TNS3: variants seen among roughly 807,000 people sequenced by gnomAD.
TNS3 encodes the protein tensin-3.
Under a neutral mutation model 140.9 loss-of-function variants are expected in TNS3, and 45 were observed. That is an observed-to-expected ratio of 0.32 (90% CI 0.25 to 0.41). The LOEUF is 0.41. Ranked by LOEUF, TNS3 falls within the 10% of genes least tolerant of loss-of-function variation. TNS3 has a pLI of 1.00. For synonymous variants in TNS3, 815 were observed against 788.4 expected (o/e 1.03, Z -0.56); for missense variants, 1,716 against 1,906.7 (o/e 0.90, Z 1.86).
At chr7:47,325,769 T>G (rs953454177) in intron 20 of TNS3, among the ~76,000 whole-genome samples, 2 of 152,150 alleles carry the variant, frequency 1.3e-5, no homozygotes, top group African/African-American at 4.8e-5. Flanking sequence ...CTGACAGCAG[T>G]AAGACCACCT....
intron 20 of TNS3, among the ~76,000 whole-genome samples, chr7:47,308,324 G>A (rs1393545401): frequency 1.3e-5 from 2 of 151,890 alleles, no homozygotes; most frequent in African/African-American, 4.8e-5. Flanking sequence ...GTTTGGTTTG[G>A]GTCTTTTTAT....
intron 16 of TNS3, among the ~76,000 whole-genome samples, chr7:47,373,808 A>G (rs1791216868): frequency 1.3e-5 from 2 of 152,256 alleles, no homozygotes; most frequent in Non-Finnish European, 2.9e-5. Context: ...GCTTTTTCAC[A>G]CATGACAAAA....
At position 47,481,111 on chromosome 7, in the gene TNS3, GT is replaced by G. The variant is rs1797398376; in HGVS notation, c.-85del. On this transcript the variant is annotated 5_prime_UTR_variant, in exon 4 of 31. Coordinates refer to ENST00000311160, the MANE Select transcript of TNS3 (RefSeq NM_022748.12). ...AAATGCAAAGGGCTTACCTGTTCCA[GT>G]CGGACTTGCACACCGCAGGGAATCA... 2 of 1,289,714 alleles carry G rather than the reference GT, an allele frequency of 1.6e-6. No individual in the cohort carries two copies. Among genetic ancestry groups the G allele is most frequent in the Non-Finnish European group, 2.0e-6 (2 of 988,890 alleles). The allele number at this position is 1,289,714 out of a possible 1,614,324, so 79.9% of individuals were successfully genotyped here. A position where few individuals can be genotyped will look rare whatever the true frequency, so the allele number is the denominator to read the frequency against.
At chr7:47,577,597 A>C (rs970178178) in intron 1 of TNS3, among the ~76,000 whole-genome samples, 2 of 152,188 alleles carry the variant, frequency 1.3e-5, no homozygotes, top group African/African-American at 2.4e-5. Context: ...CAGTATCCTC[A>C]CAACACACAC....
intron 2 of TNS3, among the ~76,000 whole-genome samples, chr7:47,523,234 G>A (rs1210509466): frequency 2.0e-5 from 3 of 152,072 alleles, no homozygotes; most frequent in Non-Finnish European, 2.9e-5. Context: ...TCCCACCCAT[G>A]AGGCTCCACT....
chr7:47,564,700 C>CTT (rs1554357838), intron 1 of TNS3, among the ~76,000 whole-genome samples: 3 of 143,198 alleles, frequency 2.1e-5, no homozygotes, highest in Non-Finnish European at 4.5e-5. Context: ...AAAATTTATT[C>CTT]ATATATATAT....
chr7:47,572,814 A>AGTGAAC (rs1425917992), intron 1 of TNS3, among the ~76,000 whole-genome samples: 1 of 152,016 alleles, frequency 6.6e-6, no homozygotes, highest in Non-Finnish European at 1.5e-5. Flanking sequence ...GGGAGGTTGC[A>AGTGAAC]GTGAGCTGAG....
intron 17 of TNS3, among the ~76,000 whole-genome samples, chr7:47,354,076 T>C (rs1337130308): frequency 6.0e-5 from 9 of 150,630 alleles, no homozygotes; most frequent in Non-Finnish European, 1.2e-4. Flanking sequence ...TGCAATGAGA[T>C]TGGGCAGTTT....
intron 13 of TNS3, among the ~76,000 whole-genome samples, chr7:47,410,520 G>A (rs759619129): frequency 4.6e-5 from 7 of 152,286 alleles, no homozygotes; most frequent in South Asian, 2.1e-4. Flanking sequence ...GAGGGACCCC[G>A]CAGGCGTGGA....
intron 1 of TNS3, among the ~76,000 whole-genome samples, chr7:47,538,861 A>T (rs1216985634): frequency 1.3e-5 from 2 of 151,792 alleles, no homozygotes; most frequent in African/African-American, 4.8e-5. Context: ...TACATTCATC[A>T]TTTTTTTCCT....
At chr7:47,280,559 T>TA (rs1358066843) in intron 28 of TNS3, among the ~76,000 whole-genome samples, 1 of 152,190 alleles carries the variant, frequency 6.6e-6, no homozygotes, top group Non-Finnish European at 1.5e-5. Context: ...TTGTTACCAG[T>TA]AGACGGAAGC....
chr7:47,451,694 A>AG (rs1796024929), intron 4 of TNS3, among the ~76,000 whole-genome samples: 25 of 152,246 alleles, frequency 1.6e-4, no homozygotes, highest in Admixed American at 1.6e-3. Context: ...GCCATGTGTG[A>AG]GGTGAGGACA....
intron 2 of TNS3, among the ~76,000 whole-genome samples, chr7:47,518,219 G>A (rs1303523381): frequency 6.6e-6 from 1 of 152,136 alleles, no homozygotes; most frequent in Non-Finnish European, 1.5e-5. Context: ...CACAAACTCA[G>A]GAATGGGGAT....
chr7:47,282,943 C>T (rs1023709416), intron 28 of TNS3, among the ~76,000 whole-genome samples: 5 of 152,048 alleles, frequency 3.3e-5, no homozygotes, highest in African/African-American at 1.2e-4. Context: ...GCTCGGGGAG[C>T]ATCCTGGGAA....
chr7:47,390,377 C>A (rs1302524445), intron 16 of TNS3, among the ~76,000 whole-genome samples: 1 of 152,246 alleles, frequency 6.6e-6, no homozygotes, highest in Non-Finnish European at 1.5e-5. Flanking sequence ...CACTTCCTGA[C>A]CCAACATGTC....
intron 1 of TNS3, among the ~76,000 whole-genome samples, chr7:47,580,175 G>A (rs978883422): frequency 2.0e-5 from 3 of 152,140 alleles, no homozygotes; most frequent in Admixed American, 1.3e-4. Context: ...GTCGACAGAC[G>A]CGCAGCAGCA....
chr7:47,522,298 T>C (rs1409215234), intron 2 of TNS3, among the ~76,000 whole-genome samples: 4 of 152,158 alleles, frequency 2.6e-5, no homozygotes, highest in African/African-American at 9.7e-5. Context: ...CCCTAAGGCA[T>C]TTCAGATCTG....
At chr7:47,542,193 G>C (rs1297407473) in intron 1 of TNS3, among the ~76,000 whole-genome samples, 1 of 152,216 alleles carries the variant, frequency 6.6e-6, no homozygotes, top group Non-Finnish European at 1.5e-5. Context: ...GTCAACAACA[G>C]AGAAAGCTTC....
chr7:47,441,365 A>T (rs1373743022), intron 5 of TNS3, among the ~76,000 whole-genome samples: 1 of 151,970 alleles, frequency 6.6e-6, no homozygotes, highest in Non-Finnish European at 1.5e-5. Flanking sequence ...TTTAGTAGAG[A>T]TGGGGTTTCA....
Sources: gnomAD v4.1 joint callset for allele counts (sites outside exome capture counted in the v4.1 genomes callset) on GRCh38, gnomAD v4.1.1 for gene constraint, MANE v1.5 for transcripts, NCBI Gene and HGNC (gene_info 2026-07-23, HGNC 2026-07-21) for gene names.